Variants in EIF2AK4 observed in about 807,000 individuals in gnomAD.
EIF2AK4 encodes eIF-2-alpha kinase GCN2.
EIF2AK4 carries 139 observed loss-of-function variants against 211.1 expected under a neutral mutation model. That is an observed-to-expected ratio of 0.66 (90% confidence interval 0.57 to 0.76). The LOEUF is 0.76. Among genes scored for constraint, EIF2AK4 ranks in the 30% least tolerant of loss-of-function variants. EIF2AK4 has a pLI of 0.00. For synonymous variants in EIF2AK4, 710 were observed against 751.3 expected (o/e 0.94, Z 0.90); for missense variants, 1,664 against 2,043.8 (o/e 0.81, Z 3.58).
Position 39,989,987 on chromosome 15 carries a change from G to T in EIF2AK4, c.2527-286G>T, listed in dbSNP as rs145584134. Among the ~76,000 whole-genome samples the T allele has an allele frequency of 2.4e-3, 360 of 152,318 alleles. 2 individuals carry two copies. The highest frequency in any genetic ancestry group is 8.0e-3 in the African/African-American group (334 of 41,572). The stretch of plus-strand genomic sequence containing the variant: ...ACCAGAGGAGAGGTTTTGTAATGCA[G>T]CAGAGGTAAGGGTAACTTGGTGAAC... On this transcript the variant is annotated intron_variant, in intron 15 of 38. Transcript: ENST00000263791.
chr15:40,032,978 G>A (rs2035563147), intron 37 of EIF2AK4, among the ~76,000 whole-genome samples, 177 bp downstream of exon 37: 1 of 152,024 alleles, frequency 6.6e-6, no homozygotes, highest in Non-Finnish European at 1.5e-5. Context: ...TATGTTGAAG[G>A]ACTCATACTT....
chr15:40,004,756 T>C (rs1435012484), intron 23 of EIF2AK4, among the ~76,000 whole-genome samples: 1 of 152,184 alleles, frequency 6.6e-6, no homozygotes, highest in Non-Finnish European at 1.5e-5. Context: ...GCTCTCGCTG[T>C]GTTGCCCAGG....
rs117537215 is a variant in EIF2AK4, at chr15:39,945,789, G to A, written c.360+2304G>A. ...CAGCTGCTGACTTTTCAAAAGTTGA[G>A]GCCAGTGTTCACTTACCATGCCCAA... On this transcript the variant is annotated intron_variant, in intron 3 of 38. Coordinates refer to ENST00000263791, the MANE Select transcript of EIF2AK4 (RefSeq NM_001013703.4). Among the ~76,000 whole-genome samples the A allele has an allele frequency of 3.0e-3, 458 of 152,276 alleles. 4 individuals carry two copies. In the East Asian group the frequency reaches 0.035, roughly 12 times the overall value.
At chr15:40,019,409 G>A (rs964221633) in intron 30 of EIF2AK4, among the ~76,000 whole-genome samples, 6 of 152,130 alleles carry the variant, frequency 3.9e-5, no homozygotes, top group South Asian at 2.1e-4. Context: ...CTAGCTGGAC[G>A]ACCTTAGACC....
chr15:39,972,884 G>T (rs2034644295), intron 9 of EIF2AK4, 24 bp from the exon 10 acceptor site: 1 of 1,595,244 alleles, frequency 6.3e-7, no homozygotes, highest in Non-Finnish European at 8.6e-7. Context: ...GTGATGCTAA[G>T]ATTCTTCCTT....
intron 24 of EIF2AK4, 102 bp downstream of exon 24, chr15:40,007,167 TAAG>T: frequency 9.2e-7 from 1 of 1,087,622 alleles, no homozygotes; most frequent in Non-Finnish European, 1.3e-6. Context: ...CTTACACAGT[TAAG>T]AATTCTGGGT....
At chr15:40,019,488 CAGG>C (rs1567007493) in intron 30 of EIF2AK4, among the ~76,000 whole-genome samples, 1 of 152,154 alleles carries the variant, frequency 6.6e-6, no homozygotes, top group Non-Finnish European at 1.5e-5. Context: ...GGCCGCACAG[CAGG>C]AGGTGAGCAG....
chr15:39,988,523 C>A (rs1039374433), intron 15 of EIF2AK4, among the ~76,000 whole-genome samples: 2 of 152,194 alleles, frequency 1.3e-5, no homozygotes, highest in Non-Finnish European at 2.9e-5. Flanking sequence ...CATAGCTATG[C>A]TCATTGGTTT....
intron 13 of EIF2AK4, among the ~76,000 whole-genome samples, chr15:39,979,901 T>C (rs371500970): frequency 6.6e-6 from 1 of 152,144 alleles, no homozygotes; most frequent in African/African-American, 2.4e-5. Flanking sequence ...TCCTATCTTG[T>C]GCATACAAGC....
intron 37 of EIF2AK4, 101 bp from the exon 38 acceptor site, chr15:40,034,225 T>A: frequency 1.2e-6 from 1 of 863,032 alleles, no homozygotes. Flanking sequence ...CCTGGTATAC[T>A]TGAAGAGGGA....
At chr15:39,975,782 A>G (rs903142527) in intron 11 of EIF2AK4, among the ~76,000 whole-genome samples, 7 of 152,240 alleles carry the variant, frequency 4.6e-5, no homozygotes, top group African/African-American at 1.7e-4. Context: ...AATTGCTGTT[A>G]TTGACTAAGC....
At chr15:39,978,872 A>G (rs1213569443) in intron 13 of EIF2AK4, among the ~76,000 whole-genome samples, 1 of 152,232 alleles carries the variant, frequency 6.6e-6, no homozygotes, top group East Asian at 1.9e-4. Context: ...GTCGTGAGAC[A>G]CTACATACAT....
chr15:39,989,996 A>G (rs574609274), intron 15 of EIF2AK4, among the ~76,000 whole-genome samples: 3 of 152,330 alleles, frequency 2.0e-5, no homozygotes, highest in Non-Finnish European at 2.9e-5. Flanking sequence ...AGCAGAGGTA[A>G]GGGTAACTTG....
intron 25 of EIF2AK4, among the ~76,000 whole-genome samples, chr15:40,009,033 G>A (rs1051953735): frequency 2.0e-5 from 3 of 152,108 alleles, no homozygotes; most frequent in Non-Finnish European, 2.9e-5. Context: ...CAACTCTCTC[G>A]GGCTTTTTAA....
chr15:40,017,551 A>ATATATATC (rs71132134), intron 29 of EIF2AK4, among the ~76,000 whole-genome samples: 1 of 87,094 alleles, frequency 1.1e-5, no homozygotes, highest in Non-Finnish European at 2.3e-5. Flanking sequence ...ATATATATAT[A>ATATATATC]TATGTATTTT....
chr15:39,979,580 A>G (rs1002484652), intron 13 of EIF2AK4, among the ~76,000 whole-genome samples: 4 of 152,236 alleles, frequency 2.6e-5, no homozygotes, highest in African/African-American at 9.6e-5. Flanking sequence ...ATGCTTCTAC[A>G]TGTAAAATGT....
rs779345131 is a variant in EIF2AK4 at position 40,029,468 on chromosome 15, T to G, written c.4561+4T>G. ...GGGTCATTTTCTAATGCTTCAGGTATAATTACTAATTATAATCTGAACATA... is the reference window on the plus strand; with the variant it reads ...GGGTCATTTTCTAATGCTTCAGGTAGAATTACTAATTATAATCTGAACATA... On this transcript the variant is annotated splice_donor_region_variant and intron_variant, in intron 34 of 38. Transcript: ENST00000263791. The G allele has an allele frequency of 2.5e-6, 4 of 1,612,524 alleles. No individual in the cohort carries two copies. The South Asian group carries it at 4.4e-5, about 18-fold the overall frequency.
At chr15:39,987,250 C>T (rs886449155) in intron 14 of EIF2AK4, among the ~76,000 whole-genome samples, 3 of 152,208 alleles carry the variant, frequency 2.0e-5, no homozygotes, top group Non-Finnish European at 4.4e-5. Context: ...ACGGTGTGGG[C>T]ATCAGAGGGG....
intron 10 of EIF2AK4, among the ~76,000 whole-genome samples, chr15:39,973,255 T>C (rs1314893574): frequency 2.0e-5 from 3 of 152,294 alleles, no homozygotes; most frequent in Admixed American, 6.5e-5. Context: ...TAGTCACCCA[T>C]AGTGCCATGT....
Sources: allele counts gnomAD v4.1 joint callset (sites outside exome capture counted in the v4.1 genomes callset), GRCh38; gene constraint gnomAD v4.1.1; transcripts MANE v1.5; gene names NCBI Gene and HGNC (gene_info 2026-07-23, HGNC 2026-07-21).